PDXDC1: variants seen among roughly 807,000 people sequenced by gnomAD.
The protein encoded by PDXDC1 is pyridoxal-dependent decarboxylase domain-containing protein 1.
Under a neutral mutation model 100.1 loss-of-function variants are expected in PDXDC1, and 42 were observed. That is an observed-to-expected ratio of 0.42 (90% CI 0.33 to 0.54). The LOEUF (loss-of-function observed/expected upper bound fraction) is 0.54, where lower values mean the gene tolerates loss of function less well. Among genes scored for constraint, PDXDC1 ranks in the 20% least tolerant of loss-of-function variants. PDXDC1 has a pLI of 0.10. For missense variants in PDXDC1, 636 were observed against 979.2 expected (o/e 0.65, Z 4.68); for synonymous variants, 260 against 371.7 (o/e 0.70, Z 3.46).
In PDXDC1 at chr16:15,061,761, G is replaced by A. The variant is rs781303820; in HGVS notation, c.1399+31705G>A. 3.3e-5 allele frequency: 54 copies of A among 1,613,324 alleles called. No individual in the cohort carries two copies. In the South Asian group the frequency reaches 5.6e-4, roughly 17 times the overall value. On this transcript the variant is annotated intron_variant, in intron 16 of 16. Coordinates refer to the PDXDC1 transcript ENST00000535621. ...TTCTGCCGTCAGAGGGGACTGGGTT[G>A]CATGTACAACACGGGTGGGGAGCCC... is the stretch of plus-strand genomic sequence containing the variant.
intron 16 of PDXDC1, among the ~76,000 whole-genome samples, chr16:15,048,933 A>G (rs1383101407): frequency 6.9e-6 from 1 of 144,130 alleles, no homozygotes; most frequent in African/African-American, 2.6e-5. Flanking sequence ...TGATTTTTAT[A>G]CTTTTTGTAG....
downstream of PDXDC1, among the ~76,000 whole-genome samples, chr16:15,039,046 T>TC (rs1393733338): frequency 2.6e-5 from 4 of 152,160 alleles, no homozygotes; most frequent in African/African-American, 7.2e-5. Context: ...AAGTCTGTGT[T>TC]CCCATTGCCT....
At chr16:15,140,772 C>A (rs1341740378), downstream of PDXDC1, among the ~76,000 whole-genome samples, 5 of 152,116 alleles carry the variant, frequency 3.3e-5, no homozygotes, top group Non-Finnish European at 5.9e-5. Flanking sequence ...GGTCACCCTG[C>A]CGCCCACCCT....
In PDXDC1 at chr16:15,028,779, G is replaced by T. The variant is rs2042825299; in HGVS notation, c.1205-99G>T. Reference sequence around the variant, plus strand: ...TTCAGTAATACGAGTCAGTGCCCTGGGGCTAATATTGGGATGGGAATGATG... The same window carrying T: ...TTCAGTAATACGAGTCAGTGCCCTGTGGCTAATATTGGGATGGGAATGATG... On this transcript the variant is annotated intron_variant, in intron 14 of 22. Transcript: ENST00000396410. 3.5e-6 allele frequency: 4 copies of T among 1,127,352 alleles called. No homozygotes were observed. In the African/African-American group the frequency reaches 4.7e-5, roughly 13 times the overall value. The allele number at this position is 1,127,352 out of a possible 1,614,324, so 69.8% of individuals were successfully genotyped here. A position where few individuals can be genotyped will look rare whatever the true frequency, so the allele number is the denominator to read the frequency against.
Position 14,975,165 on chromosome 16 carries a change from C to T in PDXDC1, c.-35C>T, listed in dbSNP as rs1220413131. 5 of 1,461,696 alleles carry T rather than the reference C, an allele frequency of 3.4e-6. No homozygotes were observed. Among genetic ancestry groups the T allele is most frequent in the East Asian group, 2.7e-5 (1 of 37,036 alleles). The allele number at this position is 1,461,696 out of a possible 1,614,324, so 90.5% of individuals were successfully genotyped here. A position where few individuals can be genotyped will look rare whatever the true frequency, so the allele number is the denominator to read the frequency against. Reference sequence around the variant, plus strand: ...GGGGCGCGGGAGGAGGAAGTAGAGCCCGGGACCGCCAGGCCACCACCGGCC... The same window carrying T: ...GGGGCGCGGGAGGAGGAAGTAGAGCTCGGGACCGCCAGGCCACCACCGGCC... On this transcript the variant is annotated 5_prime_UTR_variant, in exon 1 of 23. Transcript: ENST00000396410.
chr16:15,040,240 G>T (rs185656966), downstream of PDXDC1: 24 of 433,168 alleles, frequency 5.5e-5, no homozygotes, highest in African/African-American at 4.7e-4. Flanking sequence ...TTTACCCCAA[G>T]CATCTCGGTG....
intron 16 of PDXDC1, among the ~76,000 whole-genome samples, chr16:15,043,377 C>G (rs2043911914): frequency 6.6e-6 from 1 of 152,198 alleles, no homozygotes; most frequent in South Asian, 2.1e-4. Flanking sequence ...GACCCTGTCT[C>G]CACAAAAAAT....
chr16:15,119,383 A>C (rs1034505324), intron 16 of PDXDC1, among the ~76,000 whole-genome samples: 4 of 146,072 alleles, frequency 2.7e-5, no homozygotes, highest in Non-Finnish European at 6.1e-5. Flanking sequence ...AACACTAACA[A>C]TAGCTGATGA....
intron 16 of PDXDC1, among the ~76,000 whole-genome samples, chr16:15,051,633 C>T (rs540580054): frequency 1.1e-4 from 17 of 152,206 alleles, no homozygotes; most frequent in African/African-American, 2.4e-4. Flanking sequence ...CACAGGCGCA[C>T]GCCACCACAC....
chr16:15,145,007 C>T, the PDXDC1 span, among the ~76,000 whole-genome samples: 7 of 152,204 alleles, frequency 4.6e-5, no homozygotes, highest in Non-Finnish European at 7.3e-5. Context: ...TCCCTCTCCA[C>T]TCCCACCCTT....
intron 1 of PDXDC1, among the ~76,000 whole-genome samples, chr16:14,995,653 C>G (rs1971804405): frequency 6.6e-6 from 1 of 152,280 alleles, no homozygotes; most frequent in Non-Finnish European, 1.5e-5. Context: ...ATGTTGGCCT[C>G]ATAAAATGAG....
chr16:15,131,291 G>T, intron 16 of PDXDC1: 1 of 1,571,592 alleles, frequency 6.4e-7, no homozygotes, highest in Non-Finnish European at 8.6e-7. Context: ...ATGGGGATCT[G>T]GGCGCCGGCC....
Position 15,111,173 on chromosome 16 carries a change from C to CAT in PDXDC1, c.1400-27706_1400-27705insAT, listed in dbSNP as rs1213258082. Among the ~76,000 whole-genome samples, 10 of 148,382 alleles carry CAT rather than the reference C, an allele frequency of 6.7e-5. 1 individual carries two copies. The highest frequency in any genetic ancestry group is 1.1e-4 in the Non-Finnish European group (7 of 66,622). ...ACACACACAAAACACACAAGAATGA[C>CAT]GAGGCTGGCATGTTGGCTCACTCCC... On this transcript the variant is annotated intron_variant, in intron 16 of 16. Transcript: ENST00000535621.
chr16:15,042,937 G>C (rs2043888159), downstream of PDXDC1, among the ~76,000 whole-genome samples: 1 of 140,096 alleles, frequency 7.1e-6, no homozygotes, highest in Non-Finnish European at 1.5e-5. Flanking sequence ...TTTAGCTCTT[G>C]ATGCCCATGC....
At chr16:15,104,686 A>G in intron 16 of PDXDC1, 1 of 1,597,504 alleles carries the variant, frequency 6.3e-7, no homozygotes, top group South Asian at 1.1e-5. Context: ...CTGTTTTTTA[A>G]AGTTTCAGCT....
the PDXDC1 span, among the ~76,000 whole-genome samples, chr16:15,151,976 G>A: frequency 7.1e-6 from 1 of 140,790 alleles, no homozygotes; most frequent in Non-Finnish European, 1.6e-5. Flanking sequence ...GAGGGGAAGG[G>A]TCGGGGCAGG....
Position 14,975,679 on chromosome 16 carries a change from A to G in PDXDC1, c.21+459A>G, listed in dbSNP as rs1427900732. The G allele has an allele frequency of 8.1e-6, 8 of 985,240 alleles. No homozygotes were observed. In the Admixed American group the frequency reaches 1.8e-4, roughly 23 times the overall value. The allele number at this position is 985,240 out of a possible 1,614,324, so 61.0% of individuals were successfully genotyped here. ...AGTTAGGAATGAAAATTGCCAAAGC[A>G]GTGGTTTTCCAACTTCAGCCTGAGT... On this transcript the variant is annotated intron_variant, in intron 1 of 22. Transcript: ENST00000396410.
chr16:15,080,361 T>C (rs1217863011), intron 16 of PDXDC1, among the ~76,000 whole-genome samples: 1 of 152,224 alleles, frequency 6.6e-6, no homozygotes, highest in Admixed American at 6.5e-5. Context: ...TATCATACAA[T>C]CACCAACTTA....
chr16:14,975,108 G>A lies in PDXDC1; in HGVS notation c.-92G>A, dbSNP rs1396282253. On this transcript the variant is annotated 5_prime_UTR_variant, in exon 1 of 23. Coordinates refer to ENST00000396410, the MANE Select transcript of PDXDC1 (RefSeq NM_015027.4). ...CGCCCCGCCGGCCGCGGGCGCGGGGGACGTCAGCGCTGCCAGCGTGGAAGG... is the reference window on the plus strand; with the variant it reads ...CGCCCCGCCGGCCGCGGGCGCGGGGAACGTCAGCGCTGCCAGCGTGGAAGG... 5 of 1,469,514 alleles carry A rather than the reference G, an allele frequency of 3.4e-6. No homozygotes were observed. In the East Asian group the frequency reaches 1.3e-4, roughly 38 times the overall value. 91.0% of individuals were successfully genotyped at this position (1,469,514 alleles called of 1,614,324 possible).
Sources: allele counts gnomAD v4.1 joint callset (sites outside exome capture counted in the v4.1 genomes callset), GRCh38; gene constraint gnomAD v4.1.1; transcripts MANE v1.5; gene names NCBI Gene and HGNC (gene_info 2026-07-23, HGNC 2026-07-21).